FSD1L: variants seen among roughly 807,000 people sequenced by gnomAD.
FSD1L encodes fibronectin type III and SPRY domain containing 1 like, also known as FSD1-like protein.
FSD1L carries 45 observed loss-of-function variants against 71.6 expected under a neutral mutation model. The ratio of observed to expected loss-of-function variants is 0.63; its 90% CI spans 0.49 to 0.81. The LOEUF (loss-of-function observed/expected upper bound fraction) is 0.81. FSD1L is among the 30% of genes least tolerant of loss of function. The probability of loss-of-function intolerance (pLI) is 0.00; values close to 1 mark genes in which losing one functional copy is unlikely to be tolerated. For missense variants in FSD1L, 561 were observed against 618.1 expected (o/e 0.91, Z 0.98); for synonymous variants, 197 against 207.2 (o/e 0.95, Z 0.42).
At chr9:105,458,862 C>T (rs1481252459) in intron 1 of FSD1L, among the ~76,000 whole-genome samples, 3 of 152,166 alleles carry the variant, frequency 2.0e-5, no homozygotes, top group South Asian at 2.1e-4. Flanking sequence ...TGTGACTTCA[C>T]GTAGAGCACA....
At chr9:105,456,601 G>A (rs1168029178) in intron 1 of FSD1L, among the ~76,000 whole-genome samples, 1 of 152,094 alleles carries the variant, frequency 6.6e-6, no homozygotes, top group East Asian at 1.9e-4. Context: ...GCTTGGCTAG[G>A]GTGTATATGA....
At chr9:105,539,477 A>G (rs1410100346) in intron 13 of FSD1L, 126 bp downstream of exon 13, 7 of 429,328 alleles carry the variant, frequency 1.6e-5, no homozygotes, top group African/African-American at 1.4e-4. Flanking sequence ...ATTCTCCTCC[A>G]TTTCCCCAAT....
intron 5 of FSD1L, chr9:105,472,858 TCAAAA>T (rs1831563029): frequency 6.7e-6 from 1 of 149,476 alleles, no homozygotes; most frequent in South Asian, 2.1e-4. Context: ...AACACATGAA[TCAAAA>T]CAAAAGTTCT....
In FSD1L at chr9:105,512,901, A is replaced by C; in HGVS notation, c.990A>C (p.Gln330His). 1.3e-6 allele frequency: 2 copies of C among 1,539,942 alleles called. No individual in the cohort carries two copies. The highest frequency in any genetic ancestry group is 1.2e-5 in the South Asian group (1 of 81,450). ...GGGATCCTACTGGAGGAAAAGGTCA[A>C]GAAAGTAAAATTAAAGGAAAAGAGA... ...VEWDPTGGKG[Q>H]ESKIKGKENK... Residue 330 changes from glutamine (Q) to histidine (H), a missense_variant, in exon 10 of 14, where the codon CAA becomes CAC. By Grantham distance (24) the Gln-to-His change is conservative. This residue lies in a region of FSD1L where 410 missense variants were observed against 413.5 expected (regional missense o/e 0.99). Coordinates refer to ENST00000481272, the MANE Select transcript of FSD1L (RefSeq NM_001145313.3).
At chr9:105,487,019 A>C (rs1425541459) in intron 7 of FSD1L, among the ~76,000 whole-genome samples, 1 of 152,140 alleles carries the variant, frequency 6.6e-6, no homozygotes, top group African/African-American at 2.4e-5. Context: ...ACCTCCTTTA[A>C]AAAGATGGAA....
At chr9:105,537,773 G>GGTGT (rs1374258758) in intron 12 of FSD1L, among the ~76,000 whole-genome samples, 1 of 152,126 alleles carries the variant, frequency 6.6e-6, no homozygotes, top group African/African-American at 2.4e-5. Flanking sequence ...GTCTTCAAGT[G>GGTGT]GTGTAGAGCA....
At chr9:105,461,225 C>A (rs950644547) in intron 1 of FSD1L, among the ~76,000 whole-genome samples, 13 of 152,058 alleles carry the variant, frequency 8.5e-5, no homozygotes, top group South Asian at 2.1e-4. Flanking sequence ...ATGACATAGA[C>A]CTCTTAAGTC....
intron 5 of FSD1L, 23 bp downstream of exon 5, chr9:105,472,028 C>T (rs1487318958): frequency 2.0e-5 from 28 of 1,412,756 alleles, no homozygotes; most frequent in Non-Finnish European, 2.4e-5. Context: ...TGCATTAATA[C>T]ACTTAACAAG....
intron 6 of FSD1L, among the ~76,000 whole-genome samples, chr9:105,482,687 G>A (rs1178628761): frequency 6.6e-6 from 1 of 152,084 alleles, no homozygotes; most frequent in East Asian, 1.9e-4. Flanking sequence ...TTGATTCATG[G>A]AAACTTAAGT....
At chr9:105,516,279 C>T (rs781699470) in intron 10 of FSD1L, among the ~76,000 whole-genome samples, 4 of 152,158 alleles carry the variant, frequency 2.6e-5, no homozygotes, top group Non-Finnish European at 5.9e-5. Context: ...GCGACTTAAA[C>T]GTTCCTGCCT....
At chr9:105,525,781 G>T in intron 10 of FSD1L, 1 of 1,606,212 alleles carries the variant, frequency 6.2e-7, no homozygotes, top group Non-Finnish European at 8.5e-7. Flanking sequence ...TCTTGGTTTG[G>T]AGGTAAATCT....
chr9:105,525,287 C>T (rs1207228005), intron 10 of FSD1L: 1 of 1,608,156 alleles, frequency 6.2e-7, no homozygotes, highest in Non-Finnish European at 8.5e-7. Flanking sequence ...GAAGAAGATG[C>T]TCTTGATGAA....
At position 105,549,303 on chromosome 9, in the gene FSD1L, G is replaced by C. The variant is rs1170778405; in HGVS notation, c.*2820G>C. On this transcript the variant is annotated 3_prime_UTR_variant, in exon 14 of 14. Transcript: ENST00000481272. ...TATTAAGCTGGATATCGAAATGAAG[G>C]AGCTGCCTTAAGCACTTTAGAAAAA... is the stretch of plus-strand genomic sequence containing the variant. 1 of 151,986 alleles carries C rather than the reference G, an allele frequency of 6.6e-6. No individual in the cohort carries two copies. Among genetic ancestry groups the C allele is most frequent in the Non-Finnish European group, 1.5e-5 (1 of 67,934 alleles). 9.4% of individuals were successfully genotyped at this position (151,986 alleles called of 1,614,324 possible).
chr9:105,471,724 T>A (rs983768225), intron 4 of FSD1L, among the ~76,000 whole-genome samples, 180 bp from the exon 5 acceptor site: 3 of 143,330 alleles, frequency 2.1e-5, no homozygotes, highest in Non-Finnish European at 4.6e-5. Flanking sequence ...ATAACACGTT[T>A]TATATATATA....
At chr9:105,511,759 T>C (rs1032279917) in intron 9 of FSD1L, among the ~76,000 whole-genome samples, 21 of 152,140 alleles carry the variant, frequency 1.4e-4, no homozygotes, top group Non-Finnish European at 2.1e-4. Context: ...AAAGGATTAT[T>C]GATTCATTAG....
chr9:105,527,749 C>G (rs1415993203), intron 10 of FSD1L, among the ~76,000 whole-genome samples: 1 of 151,682 alleles, frequency 6.6e-6, no homozygotes, highest in Non-Finnish European at 1.5e-5. Flanking sequence ...CAAGGATGCC[C>G]TCTCTCACCA....
At chr9:105,534,910 T>C (rs1382079214) in intron 11 of FSD1L, among the ~76,000 whole-genome samples, 157 bp from the exon 12 acceptor site, 2 of 152,236 alleles carry the variant, frequency 1.3e-5, no homozygotes, top group Admixed American at 6.5e-5. Context: ...TTAGAGCAGG[T>C]ACTCAGCATT....
intron 1 of FSD1L, among the ~76,000 whole-genome samples, chr9:105,455,998 C>T (rs1165424094): frequency 1.3e-5 from 2 of 152,194 alleles, no homozygotes; most frequent in African/African-American, 4.8e-5. Flanking sequence ...GTGGGAAACC[C>T]ATATGTCAGC....
chr9:105,522,678 C>A (rs945051510), intron 10 of FSD1L: 1 of 1,611,812 alleles, frequency 6.2e-7, no homozygotes, highest in Non-Finnish European at 8.5e-7. Flanking sequence ...CACTGTTGAA[C>A]GAGCCAAAGT....
Sources: allele counts gnomAD v4.1 joint callset (sites outside exome capture counted in the v4.1 genomes callset), GRCh38; gene constraint gnomAD v4.1.1; regional missense constraint gnomAD v4.1.1; transcripts MANE v1.5; gene names NCBI Gene and HGNC (gene_info 2026-07-23, HGNC 2026-07-21).